CTNNA3: variants seen among roughly 807,000 people sequenced by gnomAD.
CTNNA3 encodes catenin alpha 3.
CTNNA3 carries 76 observed loss-of-function variants against 95.7 expected under a neutral mutation model. The ratio of observed to expected loss-of-function variants is 0.79; its 90% CI spans 0.66 to 0.96. CTNNA3 has a LOEUF of 0.96. Ranked by LOEUF, CTNNA3 falls within the 40% of genes least tolerant of loss-of-function variation. The pLI is 0.00. For synonymous variants in CTNNA3, 431 were observed against 374.4 expected, an observed-to-expected ratio of 1.15 and a Z score of -1.74; for missense variants, 1,191 against 1,089.8, an observed-to-expected ratio of 1.09 and a Z score of -1.31.
chr10:66,801,256 G>T (rs961697292), intron 7 of CTNNA3, among the ~76,000 whole-genome samples: 1 of 151,134 alleles, frequency 6.6e-6, no homozygotes, highest in Non-Finnish European at 1.5e-5. Flanking sequence ...AATCATCAAA[G>T]TATTATAACT....
chr10:67,270,139 A>G (rs1477719206), intron 5 of CTNNA3, among the ~76,000 whole-genome samples: 1 of 152,046 alleles, frequency 6.6e-6, no homozygotes, highest in Non-Finnish European at 1.5e-5. Flanking sequence ...TCAAAAAAAA[A>G]AAAAAAAGCT....
chr10:66,839,148 C>T (rs1310612041), intron 7 of CTNNA3, among the ~76,000 whole-genome samples: 1 of 152,100 alleles, frequency 6.6e-6, no homozygotes, highest in Non-Finnish European at 1.5e-5. Context: ...TGCCAAAGGG[C>T]CACAGAAGGT....
chr10:67,352,296 G>C (rs1241923947), intron 5 of CTNNA3, among the ~76,000 whole-genome samples: 2 of 151,894 alleles, frequency 1.3e-5, no homozygotes, highest in Non-Finnish European at 2.9e-5. Context: ...ATGATTTGAA[G>C]AGGCCATTCC....
At chr10:66,762,124 AT>A (rs1839623422) in intron 9 of CTNNA3, among the ~76,000 whole-genome samples, 1 of 152,144 alleles carries the variant, frequency 6.6e-6, no homozygotes, top group African/African-American at 2.4e-5. Flanking sequence ...GAATATTTTT[AT>A]TTTTAAGCTA....
rs60979552 is a variant in CTNNA3, at chr10:67,258,305, G to A, written c.580-38435C>T. ...ACTACAGGTGCACACCACCACACCT[G>A]GCTAATTTTTGTAATTTTAGTAGAG... On this transcript the variant is annotated intron_variant, in intron 5 of 17. Coordinates refer to ENST00000433211, the MANE Select transcript of CTNNA3 (RefSeq NM_013266.4). Among the ~76,000 whole-genome samples the A allele has an allele frequency of 4.5e-3, 683 of 152,068 alleles. 23 individuals are homozygous for A. The East Asian group carries it at 0.079, about 18-fold the overall frequency.
chr10:66,188,593 CTCTGTGTGTGTGTG>C (rs2086469159), intron 13 of CTNNA3, among the ~76,000 whole-genome samples: 1 of 104,548 alleles, frequency 9.6e-6, no homozygotes, highest in African/African-American at 3.5e-5. Context: ...GAGGGGGGGT[CTCTGTGTGTGTGTG>C]TGTGTGTGTG....
intron 5 of CTNNA3, among the ~76,000 whole-genome samples, chr10:67,356,695 A>G (rs1842822171): frequency 6.6e-6 from 1 of 151,928 alleles, no homozygotes; most frequent in African/African-American, 2.4e-5. Context: ...TCCTTAATCA[A>G]CTTTTTGCTG....
Position 65,913,361 on chromosome 10 carries a change from G to T in CTNNA3, c.*6969C>A, listed in dbSNP as rs2076968837. On this transcript the variant is annotated 3_prime_UTR_variant, in exon 18 of 18. Transcript: ENST00000433211. ...TTTTGTTTTAAGCCTCAATTATTAG[G>T]TACTAAATTGGGCATAAAATATGTC... 2 of 152,038 alleles carry T rather than the reference G, an allele frequency of 1.3e-5. No homozygotes were observed. Among genetic ancestry groups the T allele is most frequent in the Non-Finnish European group, 2.9e-5 (2 of 68,002 alleles). The allele number at this position is 152,038 out of a possible 1,614,324, so 9.4% of individuals were successfully genotyped here. A position where few individuals can be genotyped will look rare whatever the true frequency, so the allele number is the denominator to read the frequency against.
At chr10:66,806,792 GTGTGTA>G (rs1361324342) in intron 7 of CTNNA3, among the ~76,000 whole-genome samples, 4 of 126,606 alleles carry the variant, frequency 3.2e-5, no homozygotes, top group African/African-American at 1.1e-4. Context: ...GTGTGTGTGT[GTGTGTA>G]TACATATATA....
At chr10:67,500,733 A>C (rs1839201625) in intron 5 of CTNNA3, among the ~76,000 whole-genome samples, 1 of 152,174 alleles carries the variant, frequency 6.6e-6, no homozygotes, top group Non-Finnish European at 1.5e-5. Context: ...GTTTTATCAG[A>C]GACTAGGATT....
rs980593212 is a variant in CTNNA3, at chr10:66,281,542, G to A, written c.1733-921C>T. Among the ~76,000 whole-genome samples, 6 of 151,784 alleles carry A rather than the reference G, an allele frequency of 4.0e-5. No homozygotes were observed. The Admixed American group carries it at 4.0e-4, about 10-fold the overall frequency. On this transcript the variant is annotated intron_variant, in intron 12 of 17. Transcript: ENST00000433211. The stretch of plus-strand genomic sequence containing the variant: ...CAGAGTCCCAAAATGCAGTTTTTGG[G>A]ACTTTACACTTTACACTCAAACTAA...
At chr10:67,643,760 A>T (rs938464793) in intron 2 of CTNNA3, among the ~76,000 whole-genome samples, 1 of 151,634 alleles carries the variant, frequency 6.6e-6, no homozygotes, top group African/African-American at 2.4e-5. Context: ...TTCAACTTCC[A>T]CTTATGAGTG....
At chr10:67,671,671 C>A (rs1370100778) in intron 1 of CTNNA3, among the ~76,000 whole-genome samples, 1 of 151,636 alleles carries the variant, frequency 6.6e-6, no homozygotes. Flanking sequence ...CATCCATGTC[C>A]CTACAAAGGA....
chr10:67,047,530 G>C (rs1386399838), intron 7 of CTNNA3, among the ~76,000 whole-genome samples: 4 of 152,078 alleles, frequency 2.6e-5, no homozygotes, highest in Admixed American at 2.6e-4. Flanking sequence ...AGAAACATGT[G>C]TGCTTCTTGT....
At chr10:67,614,365 ATTG>A (rs1843579220) in intron 2 of CTNNA3, among the ~76,000 whole-genome samples, 1 of 152,196 alleles carries the variant, frequency 6.6e-6, no homozygotes, top group Non-Finnish European at 1.5e-5. Context: ...TTATTATTAC[ATTG>A]TAATATATAT....
In CTNNA3 at chr10:67,059,440, C is replaced by T. The variant is rs1855629112; in HGVS notation, c.1047+120877G>A. Among the ~76,000 whole-genome samples, 3 of 152,144 alleles carry T rather than the reference C, an allele frequency of 2.0e-5. No individual in the cohort carries two copies. In the South Asian group the frequency reaches 6.2e-4, roughly 32 times the overall value. On this transcript the variant is annotated intron_variant, in intron 7 of 17. Coordinates refer to ENST00000433211, the MANE Select transcript of CTNNA3 (RefSeq NM_013266.4). ...CAAAAATTGGAGGGGTATTTGGGCA[C>T]AGACAGATTGTAAGAGACACTCGAT...
intron 17 of CTNNA3, among the ~76,000 whole-genome samples, chr10:65,921,272 G>A (rs1027802742): frequency 1.3e-5 from 2 of 152,036 alleles, no homozygotes; most frequent in Non-Finnish European, 1.5e-5. Flanking sequence ...TTAACATTTC[G>A]TCCATGTAAG....
chr10:66,333,425 T>C (rs1450290165), intron 12 of CTNNA3, among the ~76,000 whole-genome samples: 2 of 152,108 alleles, frequency 1.3e-5, no homozygotes, highest in African/African-American at 4.8e-5. Flanking sequence ...TCTGGTATGT[T>C]GTGTCTTTGT....
intron 11 of CTNNA3, among the ~76,000 whole-genome samples, chr10:66,445,144 C>A (rs1197298493): frequency 1.3e-5 from 2 of 151,762 alleles, no homozygotes. Flanking sequence ...TACATGCACC[C>A]AATACAGGAG....
Sources: allele counts gnomAD v4.1 joint callset (sites outside exome capture counted in the v4.1 genomes callset), GRCh38; gene constraint gnomAD v4.1.1; transcripts MANE v1.5; gene names NCBI Gene and HGNC (gene_info 2026-07-23, HGNC 2026-07-21).